MILR1: variants seen among roughly 807,000 people sequenced by gnomAD.
MILR1 encodes the protein mast cell immunoglobulin like receptor 1.
A neutral mutation model predicts 18.5 loss-of-function variants in MILR1; 31 were observed. The ratio of observed to expected loss-of-function variants is 1.68; its 90% CI spans 1.26 to 2.26. The LOEUF (loss-of-function observed/expected upper bound fraction) is 2.26, where lower values mean the gene tolerates loss of function less well. MILR1 is among the 30% of genes most tolerant of loss of function. The probability of loss-of-function intolerance (pLI) is 0.00; values close to 1 mark genes in which losing one functional copy is unlikely to be tolerated. For synonymous variants in MILR1, 85 were observed against 56.2 expected (o/e 1.51, Z -2.30); for missense variants, 257 against 157.4 (o/e 1.63, Z -3.38).
At chr17:64,496,844 C>T in the MILR1 span, 3 of 1,613,870 alleles carry the variant, frequency 1.9e-6, no homozygotes, top group East Asian at 6.7e-5. Context: ...CTTCACATGC[C>T]CTCCTTTGGG....
chr17:64,495,273 G>A, the MILR1 span, among the ~76,000 whole-genome samples: 19 of 150,998 alleles, frequency 1.3e-4, no homozygotes, highest in Admixed American at 6.6e-4. Context: ...AAGAAAGTTA[G>A]GAAATATATT....
the MILR1 span, chr17:64,496,269 C>T: frequency 1.6e-6 from 1 of 637,318 alleles, no homozygotes; most frequent in East Asian, 2.6e-5. Flanking sequence ...TTAATATATC[C>T]GACTACTTCA....
chr17:64,465,236 G>C (rs2037526371), intron 5 of MILR1, among the ~76,000 whole-genome samples: 1 of 152,190 alleles, frequency 6.6e-6, no homozygotes, highest in Non-Finnish European at 1.5e-5. Flanking sequence ...TCCTCTGAAG[G>C]CCAGGAAAAT....
the MILR1 span, chr17:64,487,031 C>T: frequency 6.6e-6 from 1 of 151,668 alleles, no homozygotes; most frequent in Non-Finnish European, 1.5e-5. Context: ...CCTGGATATT[C>T]ATGTAATTTT....
the MILR1 span, chr17:64,490,761 G>A: frequency 1.9e-6 from 3 of 1,542,298 alleles, no homozygotes; most frequent in South Asian, 1.1e-5. Flanking sequence ...GAGAATCTGG[G>A]TAAAAAATAC....
downstream of MILR1, among the ~76,000 whole-genome samples, chr17:64,472,653 T>C (rs868916865): frequency 4.6e-5 from 7 of 152,022 alleles, no homozygotes; most frequent in Non-Finnish European, 5.9e-5. Context: ...ATACTTACCA[T>C]TGTGCTACAA....
intron 5 of MILR1, among the ~76,000 whole-genome samples, chr17:64,463,974 C>T (rs2037489543): frequency 1.3e-5 from 2 of 151,912 alleles, no homozygotes; most frequent in South Asian, 4.1e-4. Context: ...CAGGCGCCCA[C>T]CACCACGCTA....
chr17:64,495,991 G>A, the MILR1 span, among the ~76,000 whole-genome samples: 1 of 152,216 alleles, frequency 6.6e-6, no homozygotes, highest in Non-Finnish European at 1.5e-5. Context: ...TTACAGGCGT[G>A]AGCCACTGCG....
At chr17:64,465,635 GC>G (rs782347721) in intron 6 of MILR1, 94 bp downstream of exon 6, 51 of 1,319,104 alleles carry the variant, frequency 3.9e-5, no homozygotes, top group Non-Finnish European at 5.4e-5. Context: ...GGGGGGTGGA[GC>G]AAAAGGGATA....
the MILR1 span, among the ~76,000 whole-genome samples, chr17:64,484,789 G>A: frequency 6.6e-6 from 1 of 152,164 alleles, no homozygotes; most frequent in African/African-American, 2.4e-5. Context: ...CAGGCTAAAT[G>A]AACACTGTAT....
At chr17:64,489,692 G>A in the MILR1 span, among the ~76,000 whole-genome samples, 1 of 151,854 alleles carries the variant, frequency 6.6e-6, no homozygotes, top group African/African-American at 2.4e-5. Context: ...AAGAGTTTGA[G>A]GTTGCAGTGA....
Position 64,449,137 on chromosome 17 carries a change from T to G in MILR1, c.-32T>G. ...CTCACCACTGTGGTTCTACTATGCC[T>G]TCTGACCCCGTCTTGGACTTCAACT... On this transcript the variant is annotated 5_prime_UTR_variant, in exon 1 of 10. Coordinates refer to ENST00000619286, the MANE Select transcript of MILR1 (RefSeq NM_001085423.2). 2.2e-6 allele frequency: 1 copy of G among 461,700 alleles called. No individual in the cohort carries two copies. The highest frequency in any genetic ancestry group is 3.4e-5 in the Admixed American group (1 of 29,338). The allele number at this position is 461,700 out of a possible 1,614,324, so 28.6% of individuals were successfully genotyped here.
chr17:64,452,645 G>A lies in MILR1; in HGVS notation c.146G>A (p.Gly49Asp), dbSNP rs1360567363. 1 of 448,356 alleles carries A rather than the reference G, an allele frequency of 2.2e-6. No individual in the cohort carries two copies. Among genetic ancestry groups the A allele is most frequent in the Admixed American group, 3.8e-5 (1 of 26,462 alleles). 27.8% of individuals were successfully genotyped at this position (448,356 alleles called of 1,614,324 possible). ...TCAAAGACTAAGGTGGTTATGAAGG[G>A]TCAAAATGTATCTATGTTTTGTTCC... The part of the protein sequence containing the change: ...LDSKTKVVMK[G>D]QNVSMFCSHK... Residue 49 changes from glycine (G) to aspartate (D), a missense_variant, in exon 3 of 10, where the codon GGT (glycine) becomes GAT (aspartate). Gly to Asp is a moderately conservative substitution (Grantham distance 94). Coordinates refer to ENST00000619286, the MANE Select transcript of MILR1 (RefSeq NM_001085423.2).
the MILR1 span, among the ~76,000 whole-genome samples, chr17:64,488,754 T>C: frequency 6.6e-6 from 1 of 152,052 alleles, no homozygotes; most frequent in East Asian, 1.9e-4. Context: ...TCATTAGTTA[T>C]TCATATTTAA....
At chr17:64,487,169 T>C in the MILR1 span, 2 of 152,214 alleles carry the variant, frequency 1.3e-5, no homozygotes. Flanking sequence ...CATTAATACA[T>C]ATATGTACTG....
At chr17:64,490,838 G>A in the MILR1 span, 617 of 1,613,394 alleles carry the variant, frequency 3.8e-4, 2 homozygotes, top group African/African-American at 7.0e-3. Context: ...GTAAAAGTTC[G>A]TGATCTCCTA....
chr17:64,473,191 A>T (rs8067669), downstream of MILR1, among the ~76,000 whole-genome samples: 5,153 of 152,006 alleles, frequency 0.034, 301 homozygotes, highest in African/African-American at 0.12. Flanking sequence ...CTACTAAAAA[A>T]TTCAAAAACA....
the MILR1 span, chr17:64,490,719 C>G: frequency 1.7e-6 from 2 of 1,171,386 alleles, no homozygotes; most frequent in Non-Finnish European, 2.6e-6. Flanking sequence ...CACGTTTGCA[C>G]CTTATTCTCA....
chr17:64,480,183 AATTAT>A, the MILR1 span: 2 of 311,152 alleles, frequency 6.4e-6, no homozygotes, highest in South Asian at 1.2e-4. Flanking sequence ...AATAATTTAA[AATTAT>A]ATTTTATATA....
Sources: allele counts gnomAD v4.1 joint callset (sites outside exome capture counted in the v4.1 genomes callset), GRCh38; gene constraint gnomAD v4.1.1; transcripts MANE v1.5; gene names NCBI Gene and HGNC (gene_info 2026-07-23, HGNC 2026-07-21).